ENOX2: variants seen among roughly 807,000 people sequenced by gnomAD.
The protein encoded by ENOX2 is APK1 antigen.
A neutral mutation model predicts 45.0 loss-of-function variants in ENOX2; 36 were observed. The ratio of observed to expected loss-of-function variants is 0.80; its 90% CI spans 0.61 to 1.06. The LOEUF is 1.06. Among genes scored for constraint, ENOX2 ranks in the 50% least tolerant of loss-of-function variants. The probability of loss-of-function intolerance (pLI) is 0.00; values close to 1 mark genes in which losing one functional copy is unlikely to be tolerated. For missense variants in ENOX2, 423 were observed against 462.5 expected, an observed-to-expected ratio of 0.91 and a Z score of 0.78; for synonymous variants, 174 against 152.3, an observed-to-expected ratio of 1.14 and a Z score of -1.05.
chrX:130,891,947 A>C (rs1376451901), intron 2 of ENOX2, among the ~76,000 whole-genome samples: 1 of 111,893 alleles, frequency 8.9e-6, no homozygotes, highest in Non-Finnish European at 1.9e-5. Flanking sequence ...AATTTCTTGA[A>C]TTCTGTCTTA....
chrX:130,815,641 G>A (rs939832367), intron 2 of ENOX2, among the ~76,000 whole-genome samples: 2 of 111,703 alleles, frequency 1.8e-5, no homozygotes, highest in African/African-American at 3.3e-5. Flanking sequence ...CATATCCATC[G>A]AAACTAAGCT....
intron 2 of ENOX2, among the ~76,000 whole-genome samples, chrX:130,889,939 T>G (rs1269973096): frequency 8.9e-6 from 1 of 112,766 alleles, no homozygotes; most frequent in Non-Finnish European, 1.9e-5. Flanking sequence ...CTAAGGAAGG[T>G]GTCAGTCCAA....
intron 2 of ENOX2, among the ~76,000 whole-genome samples, chrX:130,810,850 CCCA>C (rs2077378755): frequency 8.9e-6 from 1 of 112,137 alleles, no homozygotes; most frequent in Non-Finnish European, 1.9e-5. Flanking sequence ...GCCCCACAGT[CCCA>C]CGTTGCAAAC....
At chrX:130,699,899 C>T (rs779918266) in intron 4 of ENOX2, among the ~76,000 whole-genome samples, 5 of 112,225 alleles carry the variant, frequency 4.5e-5, no homozygotes, top group South Asian at 3.7e-4. Context: ...TTTTGTGAGC[C>T]ACATCGCACA....
At chrX:130,634,802 G>A (rs1209886790) in intron 12 of ENOX2, among the ~76,000 whole-genome samples, 182 bp downstream of exon 12, 1 of 110,948 alleles carries the variant, frequency 9.0e-6, no homozygotes, top group Non-Finnish European at 1.9e-5. Context: ...AAATGCCAAG[G>A]ACTCACACCT....
At chrX:130,788,901 T>C (rs953574002) in intron 2 of ENOX2, among the ~76,000 whole-genome samples, 1 of 112,434 alleles carries the variant, frequency 8.9e-6, no homozygotes, top group Non-Finnish European at 1.9e-5. Context: ...CTGTATCTCA[T>C]GTTCACAATA....
Position 130,786,604 on chromosome X carries a change from T to C in ENOX2, c.-182-2914A>G, listed in dbSNP as rs1435510683. Among the ~76,000 whole-genome samples the C allele has an allele frequency of 3.2e-3, 295 of 91,354 alleles. 1 individual carries two copies. The highest frequency in any genetic ancestry group is 0.011 in the African/African-American group (284 of 24,698). 79.3% of individuals were successfully genotyped at this position (91,354 alleles called of 115,157 possible). On this transcript the variant is annotated intron_variant, in intron 2 of 14. Coordinates refer to ENST00000394363, the MANE Select transcript of ENOX2 (RefSeq NM_006375.4). ...GAGTGTGATGTTCCCCTTCCTGTGT[T>C]CATGTGATCTCATTGTTCAATTCCC...
chrX:130,845,670 G>C (rs1408742049), intron 2 of ENOX2, among the ~76,000 whole-genome samples: 1 of 111,712 alleles, frequency 9.0e-6, no homozygotes, highest in African/African-American at 3.3e-5. Flanking sequence ...TCTCCATGTT[G>C]GTCAGGCTGG....
At chrX:130,900,445 G>A (rs952811370) in intron 2 of ENOX2, among the ~76,000 whole-genome samples, 3 of 111,813 alleles carry the variant, frequency 2.7e-5, no homozygotes, top group African/African-American at 9.8e-5. Context: ...GACCTATGGG[G>A]GCACATTCCA....
At chrX:130,709,637 C>CAAAAAAAAAA (rs60183563) in intron 3 of ENOX2, among the ~76,000 whole-genome samples, 3 of 29,893 alleles carry the variant, frequency 1.0e-4, no homozygotes, top group Non-Finnish European at 1.3e-4. Flanking sequence ...GACTCTGTCT[C>CAAAAAAAAAA]AAAAAAAAAA....
intron 10 of ENOX2, among the ~76,000 whole-genome samples, chrX:130,646,700 C>T (rs1405451274): frequency 8.9e-6 from 1 of 112,244 alleles, no homozygotes; most frequent in Non-Finnish European, 1.9e-5. Flanking sequence ...GGGCTTTTCA[C>T]TGTAAAATTA....
At chrX:130,757,695 C>A (rs1472482920) in intron 3 of ENOX2, among the ~76,000 whole-genome samples, 3 of 111,016 alleles carry the variant, frequency 2.7e-5, no homozygotes, top group Non-Finnish European at 5.7e-5. Context: ...ATTATAGATT[C>A]ATCTGCAGGC....
intron 3 of ENOX2, among the ~76,000 whole-genome samples, chrX:130,728,918 A>T (rs2038670209): frequency 9.0e-6 from 1 of 111,404 alleles, no homozygotes; most frequent in African/African-American, 3.3e-5. Context: ...CACTTGCTCA[A>T]TTTTTTTCAA....
chrX:130,814,140 G>A (rs2077438273), intron 2 of ENOX2, among the ~76,000 whole-genome samples: 1 of 112,366 alleles, frequency 8.9e-6, no homozygotes, highest in African/African-American at 3.2e-5. Context: ...GGTTCGAAGG[G>A]GGTGGAGCCC....
In ENOX2 at chrX:130,676,226, C is replaced by A. The variant is rs758170206; in HGVS notation, c.460+3316G>T. 6.4e-4 allele frequency among the ~76,000 whole-genome samples: 72 copies of A among 111,813 alleles called. 1 individual carries two copies. Among genetic ancestry groups the A allele is most frequent in the African/African-American group, 2.3e-3 (70 of 30,773 alleles). On this transcript the variant is annotated intron_variant, in intron 6 of 14. Transcript: ENST00000394363. ...ATGCTACAATGCTATGGGGTGGGTG[C>A]ACTGTGCACAGTGCCAGCTCCCAAA... is the stretch of plus-strand genomic sequence containing the variant.
At chrX:130,704,720 T>C (rs1013948787) in intron 3 of ENOX2, among the ~76,000 whole-genome samples, 5 of 112,315 alleles carry the variant, frequency 4.5e-5, no homozygotes, top group Non-Finnish European at 7.5e-5. Flanking sequence ...AAAAACATTA[T>C]TTCTGAAATA....
chrX:130,789,803 A>C (rs1170258017), intron 2 of ENOX2, among the ~76,000 whole-genome samples: 2 of 112,211 alleles, frequency 1.8e-5, no homozygotes, highest in African/African-American at 3.2e-5. Flanking sequence ...CCAGGCCCTT[A>C]ATGTTCTGGC....
intron 5 of ENOX2, among the ~76,000 whole-genome samples, chrX:130,681,909 G>A (rs745596902): frequency 1.8e-5 from 2 of 110,790 alleles, no homozygotes; most frequent in Non-Finnish European, 3.8e-5. Flanking sequence ...CCAGATCTTA[G>A]TGTCACACAG....
intron 5 of ENOX2, among the ~76,000 whole-genome samples, chrX:130,684,306 T>C (rs995702259): frequency 8.9e-6 from 1 of 112,156 alleles, no homozygotes; most frequent in African/African-American, 3.2e-5. Flanking sequence ...AAGGAGGTTA[T>C]ATGACTATCC....
Sources: allele counts gnomAD v4.1 joint callset (sites outside exome capture counted in the v4.1 genomes callset), GRCh38; gene constraint gnomAD v4.1.1; transcripts MANE v1.5; gene names NCBI Gene and HGNC (gene_info 2026-07-23, HGNC 2026-07-21).